ARB2A: variants seen among roughly 807,000 people sequenced by gnomAD.
ARB2A encodes ARB2 cotranscriptional regulator A, also known as cotranscriptional regulator ARB2A.
chr5:93,871,835 A>G, the ARB2A span, among the ~76,000 whole-genome samples: 6 of 152,142 alleles, frequency 3.9e-5, no homozygotes, highest in African/African-American at 1.4e-4. Flanking sequence ...AAAACCCCAC[A>G]GTGACCTTAA....
At chr5:93,634,921 C>T in the ARB2A span, among the ~76,000 whole-genome samples, 1 of 152,018 alleles carries the variant, frequency 6.6e-6, no homozygotes, top group Non-Finnish European at 1.5e-5. Context: ...ATTACAGGTG[C>T]GTGCCACCAC....
the ARB2A span, among the ~76,000 whole-genome samples, chr5:93,706,727 G>A: frequency 3.8e-4 from 58 of 152,162 alleles, no homozygotes; most frequent in African/African-American, 1.2e-3. Flanking sequence ...TTAGCCAGGC[G>A]TGGTGGCTCA....
the ARB2A span, among the ~76,000 whole-genome samples, chr5:93,707,580 T>C: frequency 4.0e-5 from 6 of 149,180 alleles, no homozygotes; most frequent in Non-Finnish European, 4.5e-5. Context: ...TTCTTTCTTT[T>C]TTTTTTTTTT....
chr5:93,952,380 T>A, the ARB2A span, among the ~76,000 whole-genome samples: 1 of 152,326 alleles, frequency 6.6e-6, no homozygotes, highest in Non-Finnish European at 1.5e-5. Context: ...CTTTTGTTTG[T>A]CTGGGAAAGT....
chr5:93,742,737 C>T, the ARB2A span, among the ~76,000 whole-genome samples: 1 of 152,154 alleles, frequency 6.6e-6, no homozygotes. Flanking sequence ...AAATCCTCAT[C>T]CTGCTGTATC....
chr5:94,089,377 A>T, the ARB2A span, among the ~76,000 whole-genome samples: 4 of 152,118 alleles, frequency 2.6e-5, no homozygotes, highest in African/African-American at 7.2e-5. Flanking sequence ...CTTAACTTTA[A>T]ATGTCTTTAT....
At chr5:94,008,591 AT>A in the ARB2A span, among the ~76,000 whole-genome samples, 4 of 152,142 alleles carry the variant, frequency 2.6e-5, no homozygotes, top group Non-Finnish European at 5.9e-5. Flanking sequence ...AGCAGATGAG[AT>A]TTTAAAATTT....
chr5:93,767,900 A>G, the ARB2A span, among the ~76,000 whole-genome samples: 2 of 145,058 alleles, frequency 1.4e-5, no homozygotes, highest in African/African-American at 5.1e-5. Context: ...AGGCTGAGGC[A>G]GGAGAATGGC....
At chr5:94,089,476 T>C in the ARB2A span, among the ~76,000 whole-genome samples, 1 of 152,180 alleles carries the variant, frequency 6.6e-6, no homozygotes, top group Non-Finnish European at 1.5e-5. Flanking sequence ...AATCTGGATA[T>C]CGATAAATTC....
At chr5:93,621,990 T>C in the ARB2A span, among the ~76,000 whole-genome samples, 1 of 152,174 alleles carries the variant, frequency 6.6e-6, no homozygotes, top group African/African-American at 2.4e-5. Flanking sequence ...ACGGCTTCTC[T>C]CTGTGGTTTC....
At chr5:93,852,046 T>G in the ARB2A span, among the ~76,000 whole-genome samples, 3 of 152,230 alleles carry the variant, frequency 2.0e-5, no homozygotes, top group Non-Finnish European at 2.9e-5. Context: ...TCCACAAGGG[T>G]TGAACCAGTT....
the ARB2A span, among the ~76,000 whole-genome samples, chr5:94,095,539 T>G: frequency 6.6e-6 from 1 of 151,816 alleles, no homozygotes; most frequent in Non-Finnish European, 1.5e-5. Flanking sequence ...TAATTGCAAA[T>G]TCCTTTTAGT....
At chr5:93,651,223 A>T in the ARB2A span, among the ~76,000 whole-genome samples, 1 of 151,060 alleles carries the variant, frequency 6.6e-6, no homozygotes, top group South Asian at 2.1e-4. Flanking sequence ...ACAGCCTTGG[A>T]CTCCTGGGCT....
chr5:93,868,163 T>TAA, the ARB2A span, among the ~76,000 whole-genome samples: 2 of 151,606 alleles, frequency 1.3e-5, no homozygotes, highest in African/African-American at 4.8e-5. Context: ...ATACAAAAAA[T>TAA]AAAAAAAATT....
At chr5:93,946,955 G>C in the ARB2A span, among the ~76,000 whole-genome samples, 1 of 152,080 alleles carries the variant, frequency 6.6e-6, no homozygotes, top group Admixed American at 6.6e-5. Context: ...TCTGATAGAA[G>C]AGTATTATAT....
the ARB2A span, among the ~76,000 whole-genome samples, chr5:93,927,060 C>G: frequency 6.6e-6 from 1 of 150,898 alleles, no homozygotes; most frequent in Non-Finnish European, 1.5e-5. Flanking sequence ...AAAATCCTCT[C>G]TAAGAAACAA....
chr5:94,074,596 C>A, the ARB2A span: 295 of 1,414,998 alleles, frequency 2.1e-4, no homozygotes, highest in Admixed American at 5.8e-5. Flanking sequence ...ATTCCTACAC[C>A]TTTATTAGGC....
chr5:93,852,081 G>C, the ARB2A span, among the ~76,000 whole-genome samples: 2 of 152,184 alleles, frequency 1.3e-5, no homozygotes, highest in Non-Finnish European at 2.9e-5. Context: ...CAGTGTAAAA[G>C]TGTTCCTATT....
the ARB2A span, among the ~76,000 whole-genome samples, chr5:93,777,225 G>C: frequency 6.6e-6 from 1 of 151,504 alleles, no homozygotes; most frequent in South Asian, 2.1e-4. Flanking sequence ...GAGTTAGTGG[G>C]TGCGGCACAC....
Sources: allele counts gnomAD v4.1 joint callset (sites outside exome capture counted in the v4.1 genomes callset), GRCh38; gene constraint gnomAD v4.1.1; transcripts MANE v1.5; gene names NCBI Gene and HGNC (gene_info 2026-07-23, HGNC 2026-07-21).